The following LRRC9 variants were observed in gnomAD, a reference collection of about 807,000 sequenced individuals.
LRRC9 encodes the protein leucine rich repeat containing 9.
In LRRC9, 122 loss-of-function variants were observed where a neutral mutation model predicts 63.2. The ratio of observed to expected loss-of-function variants is 1.93; its 90% CI spans 1.67 to 2.24. The LOEUF is 2.24. LRRC9 is among the 30% of genes most tolerant of loss of function. The pLI is 0.00. For synonymous variants in LRRC9, 366 were observed against 213.1 expected, an observed-to-expected ratio of 1.72 and a Z score of -6.25; for missense variants, 1,071 against 627.7, an observed-to-expected ratio of 1.71 and a Z score of -7.55.
chr14:60,034,786 T>C (rs1055594838), intron 29 of LRRC9, among the ~76,000 whole-genome samples: 6 of 152,212 alleles, frequency 3.9e-5, no homozygotes, highest in South Asian at 4.1e-4. Flanking sequence ...TTGGCTATTA[T>C]GAATAATGCT....
chr14:60,045,051 C>CTTTTT lies in LRRC9; in HGVS notation c.3991-8001_3991-7997dup, dbSNP rs200934262. Among the ~76,000 whole-genome samples, 78 of 118,894 alleles carry CTTTTT rather than the reference C, an allele frequency of 6.6e-4. 1 individual carries two copies. The highest frequency in any genetic ancestry group is 6.2e-3 in the South Asian group (24 of 3,850). 78.0% of individuals were successfully genotyped at this position (118,894 alleles called of 152,430 possible). A position where few individuals can be genotyped will look rare whatever the true frequency, so the allele number is the denominator to read the frequency against. ...GTCATTATATAATGCCTTTCCTTGT[C>CTTTTT]TTTTTTTTTTTTTTTTTGAAGGTCT... On this transcript the variant is annotated intron_variant, in intron 29 of 31. Transcript: ENST00000445360.
intron 1 of LRRC9, among the ~76,000 whole-genome samples, chr14:59,926,911 A>G (rs962945406): frequency 2.0e-5 from 3 of 152,146 alleles, no homozygotes; most frequent in Non-Finnish European, 4.4e-5. Context: ...ATGTGTACCC[A>G]TAGTAGAAAT....
rs1438003694 is a variant in LRRC9 at position 60,051,609 on chromosome 14, A to G, written c.3991-1456A>G. ...ATTCTAAGCCAGTGGGTCTTAACTT[A>G]TGAGGTGCCATGAAACTGAGGCCTG... On this transcript the variant is annotated intron_variant, in intron 29 of 31. Transcript: ENST00000445360. This position sits in a 1 kb window ranked among gnomAD's most constrained non-coding sequence, Gnocchi z 4.7. Among the ~76,000 whole-genome samples the G allele has an allele frequency of 6.6e-6, 1 of 152,094 alleles. No homozygotes were observed. Among genetic ancestry groups the G allele is most frequent in the Non-Finnish European group, 1.5e-5 (1 of 68,014 alleles).
chr14:60,018,360 T>C lies in LRRC9; in HGVS notation c.3318-11T>C, dbSNP rs1238438950. On this transcript the variant is annotated splice_polypyrimidine_tract_variant and intron_variant, in intron 24 of 31. Transcript: ENST00000445360. ...TAAAATAATAGCTGTATTTACTTTG[T>C]CTAAATTCAGAACAGTGGATTTGAT... 1.4e-6 allele frequency: 1 copy of C among 700,122 alleles called. No homozygotes were observed. Among genetic ancestry groups the C allele is most frequent in the Non-Finnish European group, 2.6e-6 (1 of 383,012 alleles). 43.4% of individuals were successfully genotyped at this position (700,122 alleles called of 1,614,324 possible). A position where few individuals can be genotyped will look rare whatever the true frequency, so the allele number is the denominator to read the frequency against.
At chr14:59,954,193 G>A (rs917106520) in intron 8 of LRRC9, among the ~76,000 whole-genome samples, 1 of 152,162 alleles carries the variant, frequency 6.6e-6, no homozygotes, top group African/African-American at 2.4e-5. Flanking sequence ...TTCTAATTCT[G>A]TGAAGAAAGC....
At chr14:59,969,386 C>G (rs749961270) in intron 12 of LRRC9, 14 of 152,158 alleles carry the variant, frequency 9.2e-5, no homozygotes, top group Non-Finnish European at 1.9e-4. Context: ...CCATCAATTA[C>G]TGTCATTGTT....
chr14:60,035,191 ATTAT>A (rs376175825), intron 29 of LRRC9, among the ~76,000 whole-genome samples: 238 of 150,286 alleles, frequency 1.6e-3, no homozygotes, highest in Middle Eastern at 3.4e-3. Context: ...TTAAAATTTG[ATTAT>A]TTATTTATTT....
At chr14:60,030,973 C>T (rs1008255854) in intron 28 of LRRC9, among the ~76,000 whole-genome samples, 2 of 152,030 alleles carry the variant, frequency 1.3e-5, no homozygotes, top group African/African-American at 4.8e-5. Flanking sequence ...CCCATATTAA[C>T]ATTTTCTGTG....
rs752844907 is a variant in LRRC9, at chr14:59,975,211, T to C, written c.1639+503T>C. On this transcript the variant is annotated intron_variant, in intron 13 of 31. Coordinates refer to ENST00000445360, the Ensembl canonical transcript of LRRC9. ...ACACGAACACCAAATTCACAGGAAATAGAAAAGAATTTGGCCCATATATGT... is the reference window on the plus strand; with the variant it reads ...ACACGAACACCAAATTCACAGGAAACAGAAAAGAATTTGGCCCATATATGT... Among the ~76,000 whole-genome samples, 81 of 137,398 alleles carry C rather than the reference T, an allele frequency of 5.9e-4. 1 individual carries two copies. Among genetic ancestry groups the C allele is most frequent in the Admixed American group, 1.0e-3 (14 of 13,526 alleles). The allele number at this position is 137,398 out of a possible 152,430, so 90.1% of individuals were successfully genotyped here.
intron 14 of LRRC9, 120 bp downstream of exon 14, chr14:59,977,467 ATC>A (rs1299318431): frequency 1.8e-6 from 1 of 569,688 alleles, no homozygotes; most frequent in Non-Finnish European, 3.1e-6. Flanking sequence ...TTCTACAAAA[ATC>A]TGTTACTAGC....
chr14:60,059,739 A>G (rs909091435), intron 31 of LRRC9, among the ~76,000 whole-genome samples: 4 of 152,230 alleles, frequency 2.6e-5, no homozygotes, highest in African/African-American at 9.6e-5. Flanking sequence ...TGAAGCTAGC[A>G]AAGACTGCTT....
At chr14:59,929,672 C>A (rs1404095134) in intron 3 of LRRC9, among the ~76,000 whole-genome samples, 1 of 152,084 alleles carries the variant, frequency 6.6e-6, no homozygotes. Flanking sequence ...ATGGAATCAA[C>A]CTAAATGCCC....
intron 29 of LRRC9, among the ~76,000 whole-genome samples, chr14:60,049,339 C>T (rs1419056553): frequency 6.6e-6 from 1 of 152,136 alleles, no homozygotes; most frequent in East Asian, 1.9e-4. Flanking sequence ...TATGTAGTTA[C>T]TTCATAGTGT....
At chr14:59,954,232 A>G (rs1883484532) in intron 8 of LRRC9, among the ~76,000 whole-genome samples, 1 of 152,184 alleles carries the variant, frequency 6.6e-6, no homozygotes, top group Non-Finnish European at 1.5e-5. Context: ...AATAGCACTG[A>G]ATCTATAAAT....
chr14:59,952,274 C>T (rs907816370), intron 8 of LRRC9, among the ~76,000 whole-genome samples: 3 of 152,154 alleles, frequency 2.0e-5, no homozygotes, highest in Admixed American at 1.3e-4. Context: ...CAGGTGCGTC[C>T]GTCACGCCTT....
chr14:60,047,556 G>A (rs1401484262), intron 29 of LRRC9, among the ~76,000 whole-genome samples: 1 of 152,106 alleles, frequency 6.6e-6, no homozygotes, highest in Non-Finnish European at 1.5e-5. Context: ...AAAATGACAA[G>A]AGCATTACAT....
rs190285033 is a variant in LRRC9, at chr14:59,930,239, T to A, written c.268-679T>A. 4.6e-5 allele frequency among the ~76,000 whole-genome samples: 7 copies of A among 152,108 alleles called. No homozygotes were observed. The highest frequency in any genetic ancestry group is 1.7e-4 in the African/African-American group (7 of 41,546). ...GCTGTGTTGAAATTATAACATCTAT[T>A]TTGAAAAGAAATATTGCAAAACATC... On this transcript the variant is annotated intron_variant, in intron 3 of 31. Coordinates refer to ENST00000445360, the Ensembl canonical transcript of LRRC9. This position sits in a 1 kb window ranked among gnomAD's most constrained non-coding sequence, Gnocchi z 4.9.
chr14:60,008,976 A>C (rs571462089), intron 23 of LRRC9, among the ~76,000 whole-genome samples: 36 of 152,268 alleles, frequency 2.4e-4, no homozygotes, highest in Non-Finnish European at 4.7e-4. Flanking sequence ...AACACATACA[A>C]ATTCTCTAGA....
At chr14:59,961,952 T>C (rs1566818884) in intron 10 of LRRC9, among the ~76,000 whole-genome samples, 1 of 152,308 alleles carries the variant, frequency 6.6e-6, no homozygotes, top group African/African-American at 2.4e-5. Context: ...CACATAACCC[T>C]GGAGCATGAT....
Sources: gnomAD v4.1 joint callset for allele counts (sites outside exome capture counted in the v4.1 genomes callset) on GRCh38, gnomAD v4.1.1 for gene constraint, Gnocchi (gnomAD v3.1) non-coding constraint, MANE v1.5 for transcripts, NCBI Gene and HGNC (gene_info 2026-07-23, HGNC 2026-07-21) for gene names.